The following DNAH11 variants were observed in gnomAD, a reference collection of about 807,000 sequenced individuals.
The protein encoded by DNAH11 is axonemal beta dynein heavy chain 11.
DNAH11 carries 442 observed loss-of-function variants against 526.0 expected under a neutral mutation model. The observed-to-expected ratio is 0.84, with a 90% confidence interval of 0.78 to 0.91. The LOEUF (loss-of-function observed/expected upper bound fraction) is 0.91, where lower values mean the gene tolerates loss of function less well. Ranked by LOEUF, DNAH11 falls within the 40% of genes least tolerant of loss-of-function variation. The pLI, the probability that DNAH11 is intolerant of heterozygous loss-of-function variation, is 0.00. For missense variants in DNAH11, 6,989 were observed against 5,448.7 expected, an observed-to-expected ratio of 1.28 and a Z score of -8.90; for synonymous variants, 2,461 against 1,935.9, an observed-to-expected ratio of 1.27 and a Z score of -7.12.
intron 25 of DNAH11, among the ~76,000 whole-genome samples, chr7:21,627,053 G>C (rs1786373924): frequency 6.6e-6 from 1 of 152,020 alleles, no homozygotes; most frequent in Non-Finnish European, 1.5e-5. Context: ...CGGCCTGTGT[G>C]TCTTCTTTTG....
intron 30 of DNAH11, among the ~76,000 whole-genome samples, chr7:21,668,059 T>C (rs966879073): frequency 2.0e-5 from 3 of 152,130 alleles, no homozygotes; most frequent in Admixed American, 2.0e-4. Context: ...TTCTATAAAG[T>C]TCTAATATAC....
At chr7:21,772,218 A>T (rs909553888) in intron 55 of DNAH11, among the ~76,000 whole-genome samples, 7 of 152,182 alleles carry the variant, frequency 4.6e-5, no homozygotes, top group Non-Finnish European at 8.8e-5. Flanking sequence ...TTTCAGCTCT[A>T]CCGGAAACCA....
At chr7:21,551,672 A>G (rs901146967) in intron 2 of DNAH11, among the ~76,000 whole-genome samples, 1 of 152,154 alleles carries the variant, frequency 6.6e-6, no homozygotes, top group Admixed American at 6.5e-5. Flanking sequence ...GTCTCTTGCC[A>G]TCTATCACAT....
intron 57 of DNAH11, among the ~76,000 whole-genome samples, chr7:21,780,942 G>T (rs545690376): frequency 2.0e-5 from 3 of 152,198 alleles, no homozygotes; most frequent in Non-Finnish European, 2.9e-5. Flanking sequence ...GATATTTTGA[G>T]ATAAGTGCTC....
At position 21,884,371 on chromosome 7, in the gene DNAH11, G is replaced by T. The variant is rs1226677339; in HGVS notation, c.12468G>T (p.Leu4156=). Residue 4156 remains leucine, a synonymous_variant, in exon 76 of 82, where the codon CTG becomes CTT. Coordinates refer to ENST00000409508, the MANE Select transcript of DNAH11 (RefSeq NM_001277115.2). ...GHITDDWDRK[L]CRVYLEEFMN... ...TCACAGATGACTGGGATCGCAAACT[G>T]TGTCGGGTGTATTTAGAAGAATTCA... is the stretch of plus-strand genomic sequence containing the variant. 1 of 1,613,114 alleles carries T rather than the reference G, an allele frequency of 6.2e-7. No individual in the cohort carries two copies. Among genetic ancestry groups the T allele is most frequent in the African/African-American group, 1.3e-5 (1 of 75,018 alleles).
intron 66 of DNAH11, among the ~76,000 whole-genome samples, chr7:21,852,152 G>A (rs1210419811): frequency 6.6e-6 from 1 of 152,038 alleles, no homozygotes; most frequent in Non-Finnish European, 1.5e-5. Flanking sequence ...CGCCTGTAAT[G>A]GCAGCACTTT....
At position 21,707,014 on chromosome 7, in the gene DNAH11, G is replaced by A. The variant is rs185258665; in HGVS notation, c.6547-685G>A. On this transcript the variant is annotated intron_variant, in intron 39 of 81. Transcript: ENST00000409508. ...CAACCTCAGCACTGTTGACATTCTGGACTGGATAACTCTGCTGTAGGAGGC... is the reference window on the plus strand; with the variant it reads ...CAACCTCAGCACTGTTGACATTCTGAACTGGATAACTCTGCTGTAGGAGGC... Among the ~76,000 whole-genome samples the A allele has an allele frequency of 2.2e-3, 329 of 152,260 alleles. 7 individuals are homozygous for A. Among genetic ancestry groups the A allele is most frequent in the East Asian group, 1.5e-3 (8 of 5,186 alleles).
chr7:21,789,806 T>TCTCTCCTTCCTTCC (rs1562547146), intron 61 of DNAH11, among the ~76,000 whole-genome samples: 96 of 68,834 alleles, frequency 1.4e-3, no homozygotes, highest in African/African-American at 4.2e-3. Context: ...TCTTTCTTTC[T>TCTCTCCTTCCTTCC]TTTTTCTTTC....
chr7:21,719,904 C>G (rs1020864898), intron 43 of DNAH11, among the ~76,000 whole-genome samples: 1 of 152,172 alleles, frequency 6.6e-6, no homozygotes, highest in African/African-American at 2.4e-5. Context: ...TGACGACTTT[C>G]TGTGCTTTAG....
At chr7:21,798,954 T>C (rs1406819754) in intron 61 of DNAH11, among the ~76,000 whole-genome samples, 3 of 152,190 alleles carry the variant, frequency 2.0e-5, no homozygotes, top group Admixed American at 6.5e-5. Context: ...TTTTAACTTC[T>C]AATACCACAA....
At chr7:21,632,393 A>G (rs1244111447) in intron 25 of DNAH11, among the ~76,000 whole-genome samples, 1 of 151,924 alleles carries the variant, frequency 6.6e-6, no homozygotes, top group African/African-American at 2.4e-5. Flanking sequence ...AGAATATGGG[A>G]TTTTCTTTCC....
intron 31 of DNAH11, among the ~76,000 whole-genome samples, chr7:21,683,378 A>G (rs187644586): frequency 1.6e-4 from 24 of 152,356 alleles, no homozygotes; most frequent in African/African-American, 5.5e-4. Flanking sequence ...TTTAGAATGA[A>G]CTTGGTTGAA....
At chr7:21,686,057 A>T (rs924767321) in intron 32 of DNAH11, among the ~76,000 whole-genome samples, 7 of 152,236 alleles carry the variant, frequency 4.6e-5, no homozygotes, top group African/African-American at 1.7e-4. Flanking sequence ...CTAGTCTGGG[A>T]GCCTTTTCAC....
intron 5 of DNAH11, among the ~76,000 whole-genome samples, chr7:21,562,557 T>A (rs1783508890): frequency 6.6e-6 from 1 of 152,090 alleles, no homozygotes; most frequent in South Asian, 2.1e-4. Context: ...GCCTGGAGAT[T>A]CAGGAAGAAA....
chr7:21,761,705 C>T (rs550835718), intron 54 of DNAH11, among the ~76,000 whole-genome samples: 21 of 152,270 alleles, frequency 1.4e-4, no homozygotes, highest in Admixed American at 2.6e-4. Context: ...GCCACCCTCC[C>T]AGGCCCACTC....
Position 21,866,580 on chromosome 7 carries a change from T to C in DNAH11, c.11607T>C (p.Pro3869=). The C allele has an allele frequency of 6.2e-7, 1 of 1,613,826 alleles. No individual in the cohort carries two copies. Among genetic ancestry groups the C allele is most frequent in the Non-Finnish European group, 8.5e-7 (1 of 1,179,852 alleles). Residue 3869 remains proline (P), a synonymous_variant, in exon 71 of 82, where the codon CCT becomes CCC. Transcript: ENST00000409508. ...AGTGTCCAGAAAAAGAAAAATTACCTCAAGAATGGAAGAAGAAAAGTTTAA... is the reference window on the plus strand; with the variant it reads ...AGTGTCCAGAAAAAGAAAAATTACCCCAAGAATGGAAGAAGAAAAGTTTAA... ...ESECPEKEKL[P]QEWKKKSLIQ...
At chr7:21,548,084 T>A (rs1782871550) in intron 2 of DNAH11, among the ~76,000 whole-genome samples, 1 of 149,012 alleles carries the variant, frequency 6.7e-6, no homozygotes, top group Non-Finnish European at 1.5e-5. Flanking sequence ...TAAAGCAACC[T>A]TCTACCCAAC....
intron 45 of DNAH11, among the ~76,000 whole-genome samples, chr7:21,726,860 CAAAAAAAAAAAAAAAAAAA>C (rs1166791175): frequency 2.9e-4 from 4 of 13,812 alleles, no homozygotes; most frequent in Admixed American, 3.3e-3. Flanking sequence ...GACTCTGTCT[CAAAAAAAAAAAAAAAAAAA>C]AAAAAAAAAA....
intron 66 of DNAH11, among the ~76,000 whole-genome samples, chr7:21,848,083 C>G (rs1049804718): frequency 6.7e-6 from 1 of 148,628 alleles, no homozygotes; most frequent in Non-Finnish European, 1.5e-5. Context: ...AGGAGAATGG[C>G]GTGAACCCAG....
Sources: allele counts gnomAD v4.1 joint callset (sites outside exome capture counted in the v4.1 genomes callset), GRCh38; gene constraint gnomAD v4.1.1; transcripts MANE v1.5; gene names NCBI Gene and HGNC (gene_info 2026-07-23, HGNC 2026-07-21).